The following HELZ2 variants were observed in gnomAD, a reference collection of about 807,000 sequenced individuals.
HELZ2 encodes helicase with zinc finger 2.
Under a neutral mutation model 208.8 loss-of-function variants are expected in HELZ2, and 143 were observed. The observed-to-expected ratio is 0.68, with a 90% CI of 0.60 to 0.79. The LOEUF is 0.79. Among genes scored for constraint, HELZ2 ranks in the 30% least tolerant of loss-of-function variants. The pLI is 0.00. For missense variants in HELZ2, 3,690 were observed against 3,794.5 expected (o/e 0.97, Z 0.72); for synonymous variants, 1,705 against 1,693.7 (o/e 1.01, Z -0.16).
chr20:63,567,404 G>A lies in HELZ2; in HGVS notation c.1954C>T (p.Arg652Cys), dbSNP rs773108978. Reference sequence around the variant, plus strand: ...AAGCCGACCGGCACCCTGAGCTCACGGGCCTGGGAGGTGGTGGTGACCACC... The same window carrying A: ...AAGCCGACCGGCACCCTGAGCTCACAGGCCTGGGAGGTGGTGGTGACCACC... Residue 652 changes from arginine (R) to cysteine (C), a missense_variant, in exon 6 of 19, where the codon CGT (arginine) becomes TGT (cysteine). Physicochemically the swap from Arg to Cys is radical, Grantham distance 180 (BLOSUM62 -3). This residue lies in a region of HELZ2 where 1,119 missense variants were observed against 1,193.4 expected (regional missense o/e 0.94). Coordinates refer to ENST00000467148, the Ensembl canonical transcript of HELZ2. 6.3e-6 allele frequency: 10 copies of A among 1,579,822 alleles called. No individual in the cohort carries two copies. The highest frequency in any genetic ancestry group is 2.3e-5 in the East Asian group (1 of 42,868).
exon 8 of HELZ2, chr20:63,566,220 G>A (rs951052670): frequency 4.7e-6 from 7 of 1,488,676 alleles, no homozygotes; most frequent in Admixed American, 2.2e-5. Flanking sequence ...ACCACGACCC[G>A]GAACTGCCGC....
chr20:63,561,572 C>T lies in HELZ2; in HGVS notation c.6836+29G>A, dbSNP rs201218691. ...CTGTCTGGACAGCTCGGCCCCACTC[C>T]GCCCAAGCCCCAAAGACAGCAGGCA... is the stretch of plus-strand genomic sequence containing the variant. On this transcript the variant is annotated intron_variant, in intron 12 of 18. Transcript: ENST00000467148. 8.8e-6 allele frequency: 14 copies of T among 1,585,196 alleles called. No homozygotes were observed. The East Asian group carries it at 1.1e-4, about 13-fold the overall frequency.
intron 8 of HELZ2, 54 bp from the exon 10 acceptor site, chr20:63,562,436 G>T: frequency 1.3e-6 from 2 of 1,532,314 alleles, no homozygotes; most frequent in South Asian, 1.2e-5. Context: ...GAAAGGGGCT[G>T]CTGCCCCACG....
chr20:63,571,280 C>A (rs533733484), intron 1 of HELZ2: 3 of 262,794 alleles, frequency 1.1e-5, no homozygotes, highest in African/African-American at 7.0e-5. Context: ...CTCCTGGGAA[C>A]CTCTGGCTCT....
chr20:63,566,559 G>A (rs4552243), intron 6 of HELZ2, 106 bp from the exon 8 acceptor site: 14 of 216,460 alleles, frequency 6.5e-5, no homozygotes, highest in African/African-American at 6.7e-5. Context: ...AGCGCAGGAC[G>A]CAGTGAGGAC....
At chr20:63,569,272 C>T in exon 4 of HELZ2, 1 of 1,574,876 alleles carries the variant, frequency 6.3e-7, no homozygotes, top group Non-Finnish European at 8.6e-7. Context: ...AGGGCCAGGG[C>T]AGGGCCCTTG....
rs1366319785 is a variant in HELZ2, at chr20:63,572,107, C to G, written c.278+1G>C. Reference sequence around the variant, plus strand: ...CAAGCTCCTGCCTCGAGTATCCTTACTTTGGGCAGAGCTCGAACTTGGAGA... The same window carrying G: ...CAAGCTCCTGCCTCGAGTATCCTTAGTTTGGGCAGAGCTCGAACTTGGAGA... On this transcript the variant is annotated splice_donor_variant, in intron 1 of 18. Transcript: ENST00000467148. LOFTEE classifies it high-confidence loss of function. 6.2e-7 allele frequency: 1 copy of G among 1,606,806 alleles called. No homozygotes were observed. Among genetic ancestry groups the G allele is most frequent in the East Asian group, 2.2e-5 (1 of 44,768 alleles).
At chr20:63,560,962 C>T (rs2082879050) in intron 14 of HELZ2, 33 bp from the exon 16 acceptor site, 1 of 1,606,884 alleles carries the variant, frequency 6.2e-7, no homozygotes, top group African/African-American at 1.3e-5. Context: ...CCCTGACACC[C>T]CTAGACCCAG....
At chr20:63,567,446 G>C (rs375774923) in exon 6 of HELZ2, 32 of 1,560,210 alleles carry the variant, frequency 2.1e-5, no homozygotes, top group African/African-American at 4.1e-5. Context: ...TGCCGCGCCA[G>C]CTCTGCCCGT....
chr20:63,560,608 CAGGACACT>C lies in HELZ2; in HGVS notation c.7363_7370del (p.Ser2455GlyfsTer31), dbSNP rs767906389. The C allele has an allele frequency of 6.2e-7, 1 of 1,611,784 alleles. No homozygotes were observed. The highest frequency in any genetic ancestry group is 8.5e-7 in the Non-Finnish European group (1 of 1,179,940). ...GGCAGCTCTCCTTGCCAGCGTGGCCCAGGACACTGGGCGGCCTCCTCAGGCCCTGCCAC... is the reference window on the plus strand; with the variant it reads ...GGCAGCTCTCCTTGCCAGCGTGGCCCGGGCGGCCTCCTCAGGCCCTGCCAC... On this transcript the variant is annotated frameshift_variant, in exon 16 of 19. Coordinates refer to ENST00000467148, the Ensembl canonical transcript of HELZ2. LOFTEE classifies it high-confidence loss of function.
exon 19 of HELZ2, chr20:63,559,217 C>A (rs2082849228): frequency 2.0e-6 from 3 of 1,504,400 alleles, no homozygotes; most frequent in Non-Finnish European, 2.7e-6. Flanking sequence ...CCCTCCCAGT[C>A]CTGGCACCTT....
At chr20:63,572,365 C>T in exon 1 of HELZ2, 1 of 1,550,568 alleles carries the variant, frequency 6.4e-7, no homozygotes, top group Non-Finnish European at 8.7e-7. Flanking sequence ...CACCCAGCTG[C>T]TCGGCCTCCC....
At chr20:63,572,399 T>C in exon 1 of HELZ2, 3 of 1,491,458 alleles carry the variant, frequency 2.0e-6, no homozygotes, top group Non-Finnish European at 2.7e-6. Flanking sequence ...CACGGCGCTG[T>C]GTGCAAACTG....
At chr20:63,568,503 A>G in exon 5 of HELZ2, 1 of 1,585,512 alleles carries the variant, frequency 6.3e-7, no homozygotes, top group Non-Finnish European at 8.6e-7. Flanking sequence ...CCAGGGCCCC[A>G]GCCCGCGATG....
chr20:63,573,615 A>G (rs1460167669), upstream of HELZ2, among the ~76,000 whole-genome samples: 2 of 152,226 alleles, frequency 1.3e-5, no homozygotes, highest in African/African-American at 2.4e-5. This position sits in a 1 kb window ranked among gnomAD's most constrained non-coding sequence, Gnocchi z 4.9. Context: ...CCAGGGCCTC[A>G]GGCTCCTGAC....
chr20:63,561,865 A>G, exon 11 of HELZ2: 1 of 1,570,868 alleles, frequency 6.4e-7, no homozygotes, highest in Non-Finnish European at 8.6e-7. Context: ...CCGCAGTACA[A>G]GATGCAGGGA....
chr20:63,572,645 T>G, upstream of HELZ2: 1 of 462,520 alleles, frequency 2.2e-6, no homozygotes, highest in East Asian at 3.4e-5. Flanking sequence ...GCAAAGCAGC[T>G]CGAAGCGGCC....
exon 15 of HELZ2, chr20:63,560,831 G>A (rs377573564): frequency 5.6e-5 from 91 of 1,612,946 alleles, no homozygotes; most frequent in Admixed American, 8.3e-5. Flanking sequence ...GTGCGTCCTC[G>A]TGGTACCGCT....
exon 6 of HELZ2, chr20:63,567,287 C>G (rs750278128): frequency 7.5e-6 from 12 of 1,610,024 alleles, no homozygotes; most frequent in Non-Finnish European, 1.0e-5. Context: ...CCCGCCAGCA[C>G]GAGGCGGGTG....
Sources: allele counts gnomAD v4.1 joint callset (sites outside exome capture counted in the v4.1 genomes callset), GRCh38; gene constraint gnomAD v4.1.1; regional missense constraint gnomAD v4.1.1; non-coding constraint Gnocchi (gnomAD v3.1); transcripts MANE v1.5; gene names NCBI Gene and HGNC (gene_info 2026-07-23, HGNC 2026-07-21).